The following WDPCP variants were observed in gnomAD, a reference collection of about 807,000 sequenced individuals.
WDPCP encodes the protein WD repeat containing planar cell polarity effector.
Under a neutral mutation model 93.1 loss-of-function variants are expected in WDPCP, and 71 were observed. The ratio of observed to expected loss-of-function variants is 0.76; its 90% CI spans 0.63 to 0.93. The LOEUF (loss-of-function observed/expected upper bound fraction) is 0.93. Ranked by LOEUF, WDPCP falls within the 40% of genes least tolerant of loss-of-function variation. WDPCP has a pLI of 0.00. For synonymous variants in WDPCP, 315 were observed against 315.0 expected (o/e 1.00, Z 0.00); for missense variants, 844 against 887.4 (o/e 0.95, Z 0.62).
intron 2 of WDPCP, among the ~76,000 whole-genome samples, chr2:63,740,536 T>C (rs1669697871): frequency 6.6e-6 from 1 of 152,190 alleles, no homozygotes; most frequent in Non-Finnish European, 1.5e-5. Context: ...TTAGTGAATT[T>C]GCTGTCTAAG....
At chr2:63,255,940 C>T (rs1178472189) in intron 14 of WDPCP, among the ~76,000 whole-genome samples, 1 of 151,792 alleles carries the variant, frequency 6.6e-6, no homozygotes, top group Non-Finnish European at 1.5e-5. Context: ...TTACCACATA[C>T]AAAGGAGAAA....
At chr2:63,135,594 C>T (rs373567618) in intron 17 of WDPCP, among the ~76,000 whole-genome samples, 3 of 152,104 alleles carry the variant, frequency 2.0e-5, no homozygotes, top group Admixed American at 1.3e-4. Context: ...AGCCTCCCAG[C>T]GTTAGGATTA....
At chr2:63,705,133 T>C (rs1000552308) in intron 2 of WDPCP, among the ~76,000 whole-genome samples, 7 of 152,364 alleles carry the variant, frequency 4.6e-5, no homozygotes, top group Admixed American at 2.0e-4. Flanking sequence ...TTCTGTGGGA[T>C]CGGTGGTGAT....
chr2:63,468,536 G>A (rs1035600233), intron 6 of WDPCP, among the ~76,000 whole-genome samples: 3 of 152,146 alleles, frequency 2.0e-5, no homozygotes, highest in Admixed American at 6.5e-5. Context: ...AACATGATAT[G>A]TTAGTTAGAA....
intron 2 of WDPCP, among the ~76,000 whole-genome samples, chr2:63,749,288 C>T (rs548341097): frequency 6.6e-6 from 1 of 152,102 alleles, no homozygotes; most frequent in East Asian, 1.9e-4. Flanking sequence ...CACAAGTTAA[C>T]AAATAGACTC....
chr2:63,516,181 AT>A (rs1030095856), intron 1 of WDPCP, among the ~76,000 whole-genome samples: 5 of 151,998 alleles, frequency 3.3e-5, no homozygotes, highest in African/African-American at 9.7e-5. Context: ...ATTTAGAACA[AT>A]TTTTTGACAC....
chr2:63,754,925 T>C (rs751588794), intron 2 of WDPCP, among the ~76,000 whole-genome samples: 2 of 152,212 alleles, frequency 1.3e-5, no homozygotes, highest in Non-Finnish European at 2.9e-5. Flanking sequence ...TTCATGAGTT[T>C]GCCATCAGAT....
intron 2 of WDPCP, among the ~76,000 whole-genome samples, chr2:63,811,384 G>C (rs1400511417): frequency 6.6e-6 from 1 of 152,130 alleles, no homozygotes. Flanking sequence ...GAAGTAAGCA[G>C]CCAAGTTGGA....
intron 14 of WDPCP, among the ~76,000 whole-genome samples, chr2:63,251,367 G>C (rs942873771): frequency 5.3e-5 from 8 of 151,610 alleles, no homozygotes; most frequent in African/African-American, 1.7e-4. Context: ...AGAAAATGTA[G>C]AGGAAATAGA....
intron 3 of WDPCP, chr2:63,604,712 G>A (rs1709493805): frequency 3.7e-6 from 6 of 1,613,614 alleles, no homozygotes; most frequent in Non-Finnish European, 5.1e-6. Flanking sequence ...CTTAAACTTG[G>A]TGTGACTGCT....
intron 12 of WDPCP, among the ~76,000 whole-genome samples, chr2:63,327,901 CCCGCTGGCCCTT>C (rs1339267784): frequency 2.6e-5 from 4 of 152,184 alleles, no homozygotes; most frequent in Non-Finnish European, 5.9e-5. Flanking sequence ...CCTGGACCAA[CCCGCTGGCCCTT>C]CCACTGGCCT....
At chr2:63,754,926 G>A (rs186762822) in intron 2 of WDPCP, among the ~76,000 whole-genome samples, 1 of 152,270 alleles carries the variant, frequency 6.6e-6, no homozygotes, top group Admixed American at 6.5e-5. Context: ...TCATGAGTTT[G>A]CCATCAGATG....
chr2:63,166,433 G>T (rs558465472), intron 15 of WDPCP, among the ~76,000 whole-genome samples: 25 of 151,776 alleles, frequency 1.6e-4, no homozygotes, highest in Non-Finnish European at 2.8e-4. Flanking sequence ...TTGAGACAGG[G>T]TCTTGCTCTG....
intron 1 of WDPCP, among the ~76,000 whole-genome samples, chr2:63,516,438 A>C (rs1702553860): frequency 6.6e-6 from 1 of 152,142 alleles, no homozygotes; most frequent in East Asian, 1.9e-4. Context: ...ACTTTGCCTC[A>C]TGATGGGGCT....
intron 1 of WDPCP, among the ~76,000 whole-genome samples, chr2:63,527,986 T>C (rs960542708): frequency 2.6e-5 from 4 of 152,106 alleles, no homozygotes; most frequent in African/African-American, 9.7e-5. Context: ...ATGAGCATTT[T>C]TTCATGTGTC....
chr2:63,533,199 G>C (rs908798712), intron 1 of WDPCP, among the ~76,000 whole-genome samples: 1 of 152,172 alleles, frequency 6.6e-6, no homozygotes, highest in Non-Finnish European at 1.5e-5. Flanking sequence ...GGAGCACCCA[G>C]ATTCATAAAG....
intron 6 of WDPCP, among the ~76,000 whole-genome samples, chr2:63,477,266 A>T (rs1700022831): frequency 1.3e-5 from 2 of 152,172 alleles, no homozygotes; most frequent in South Asian, 4.1e-4. Flanking sequence ...ACAGATTTAT[A>T]ATGATTTAAG....
chr2:63,273,288 TG>T (rs1470876202), intron 13 of WDPCP, among the ~76,000 whole-genome samples: 1 of 151,874 alleles, frequency 6.6e-6, no homozygotes, highest in Non-Finnish European at 1.5e-5. Context: ...TCTACCACCA[TG>T]AAAACACATA....
intron 3 of WDPCP, among the ~76,000 whole-genome samples, chr2:63,644,555 A>AT (rs1285332568): frequency 3.3e-5 from 5 of 151,886 alleles, no homozygotes; most frequent in Non-Finnish European, 5.9e-5. Flanking sequence ...CTTCTCCTCT[A>AT]TTTTTTAGGA....
Sources: gnomAD v4.1 joint callset for allele counts (sites outside exome capture counted in the v4.1 genomes callset) on GRCh38, gnomAD v4.1.1 for gene constraint, MANE v1.5 for transcripts, NCBI Gene and HGNC (gene_info 2026-07-23, HGNC 2026-07-21) for gene names.